CNTNAP2: variants seen among roughly 807,000 people sequenced by gnomAD.
CNTNAP2 encodes contactin-associated protein-like 2.
Under a neutral mutation model 155.2 loss-of-function variants are expected in CNTNAP2, and 98 were observed. That is an observed-to-expected ratio of 0.63 (90% CI 0.54 to 0.75). CNTNAP2 has a LOEUF of 0.75. CNTNAP2 is among the 30% of genes least tolerant of loss of function. CNTNAP2 has a pLI of 0.00. For synonymous variants in CNTNAP2, 651 were observed against 631.2 expected (o/e 1.03, Z -0.47); for missense variants, 1,727 against 1,688.1 (o/e 1.02, Z -0.40).
intron 13 of CNTNAP2, among the ~76,000 whole-genome samples, chr7:147,728,294 G>C (rs748180881): frequency 6.6e-6 from 1 of 152,034 alleles, no homozygotes; most frequent in Non-Finnish European, 1.5e-5. Flanking sequence ...CTCTAATTCT[G>C]TTTCTCAGGT....
At chr7:146,520,882 G>A (rs574237766) in intron 1 of CNTNAP2, among the ~76,000 whole-genome samples, 1 of 151,964 alleles carries the variant, frequency 6.6e-6, no homozygotes, top group East Asian at 1.9e-4. Context: ...GCTGAGCTCC[G>A]CAGTTTTTGT....
chr7:146,532,665 A>G (rs1039573473), intron 1 of CNTNAP2, among the ~76,000 whole-genome samples: 1 of 152,158 alleles, frequency 6.6e-6, no homozygotes, highest in African/African-American at 2.4e-5. Context: ...ACTGCAAACA[A>G]TTTAACTTCC....
chr7:147,459,769 G>T (rs938591174), intron 10 of CNTNAP2, among the ~76,000 whole-genome samples: 1 of 152,170 alleles, frequency 6.6e-6, no homozygotes, highest in Non-Finnish European at 1.5e-5. Context: ...CAATAAAATT[G>T]TGTTGTGGTA....
intron 9 of CNTNAP2, among the ~76,000 whole-genome samples, chr7:147,349,897 C>A (rs1795940636): frequency 6.6e-6 from 1 of 151,912 alleles, no homozygotes; most frequent in African/African-American, 2.4e-5. Context: ...TTGTCCCTGT[C>A]TACAACACCA....
At chr7:147,934,684 T>A (rs1800572183) in intron 14 of CNTNAP2, among the ~76,000 whole-genome samples, 1 of 152,196 alleles carries the variant, frequency 6.6e-6, no homozygotes, top group Non-Finnish European at 1.5e-5. Flanking sequence ...AGCACTGAAA[T>A]CTTGAACTTG....
intron 8 of CNTNAP2, among the ~76,000 whole-genome samples, chr7:147,135,318 A>G (rs1334028907): frequency 1.3e-5 from 2 of 151,814 alleles, no homozygotes; most frequent in African/African-American, 4.8e-5. Context: ...ATATTGAACA[A>G]GTTGCAACAT....
At chr7:146,444,908 C>T (rs752464503) in intron 1 of CNTNAP2, among the ~76,000 whole-genome samples, 3 of 152,072 alleles carry the variant, frequency 2.0e-5, no homozygotes, top group African/African-American at 4.8e-5. Flanking sequence ...CCACCCGCCT[C>T]GGCCTCCCAA....
intron 1 of CNTNAP2, among the ~76,000 whole-genome samples, chr7:146,312,351 C>T (rs1800839004): frequency 6.6e-6 from 1 of 152,164 alleles, no homozygotes; most frequent in Admixed American, 6.6e-5. Context: ...CTCGGAATAA[C>T]TGGTAACACA....
intron 1 of CNTNAP2, among the ~76,000 whole-genome samples, chr7:146,119,372 G>T (rs968653970): frequency 6.6e-6 from 1 of 151,878 alleles, no homozygotes; most frequent in Non-Finnish European, 1.5e-5. Context: ...TTTCTCTGTC[G>T]ACAGACATAT....
chr7:147,581,864 A>G (rs1216360243), intron 12 of CNTNAP2, among the ~76,000 whole-genome samples: 1 of 152,192 alleles, frequency 6.6e-6, no homozygotes, highest in African/African-American at 2.4e-5. Context: ...AATATTTCTA[A>G]TTGATTAAAG....
intron 10 of CNTNAP2, among the ~76,000 whole-genome samples, chr7:147,412,962 G>T (rs1797128679): frequency 6.6e-6 from 1 of 152,188 alleles, no homozygotes; most frequent in Admixed American, 6.5e-5. Context: ...ATACATGTTT[G>T]TGGTTAAGTG....
At chr7:146,861,386 AAAATTTAC>A (rs1229297381) in intron 3 of CNTNAP2, among the ~76,000 whole-genome samples, 2 of 152,172 alleles carry the variant, frequency 1.3e-5, no homozygotes, top group African/African-American at 4.8e-5. Context: ...AAAATTTTTA[AAAATTTAC>A]AATTACAATG....
At chr7:147,438,132 G>A (rs1010992525) in intron 10 of CNTNAP2, among the ~76,000 whole-genome samples, 3 of 151,880 alleles carry the variant, frequency 2.0e-5, no homozygotes, top group African/African-American at 7.3e-5. Flanking sequence ...GTTTTATCTA[G>A]GACTTCCATT....
intron 1 of CNTNAP2, among the ~76,000 whole-genome samples, chr7:146,550,483 G>A (rs1433347952): frequency 3.2e-5 from 4 of 123,608 alleles, no homozygotes; most frequent in Non-Finnish European, 4.7e-5. Context: ...ACTCTCCTCC[G>A]AAAAACATAG....
intron 10 of CNTNAP2, among the ~76,000 whole-genome samples, chr7:147,418,401 C>T (rs976427511): frequency 5.9e-5 from 9 of 152,098 alleles, no homozygotes; most frequent in African/African-American, 1.2e-4. Context: ...ACATAAGCCA[C>T]GGTATCCCTT....
At chr7:147,061,980 T>C (rs1799685819) in intron 4 of CNTNAP2, among the ~76,000 whole-genome samples, 1 of 151,402 alleles carries the variant, frequency 6.6e-6, no homozygotes, top group Non-Finnish European at 1.5e-5. Context: ...TACAAAAATT[T>C]AGCCAGGCGT....
chr7:146,464,121 A>G (rs1437687467), intron 1 of CNTNAP2, among the ~76,000 whole-genome samples: 2 of 151,456 alleles, frequency 1.3e-5, no homozygotes, highest in East Asian at 3.9e-4. Context: ...ACCACAAAAA[A>G]CAGTTCGTTA....
At chr7:147,119,763 GGAAAGAAA>G (rs957698773) in intron 5 of CNTNAP2, among the ~76,000 whole-genome samples, 2 of 151,542 alleles carry the variant, frequency 1.3e-5, no homozygotes, top group African/African-American at 4.8e-5. Context: ...GAAAGGGAGA[GGAAAGAAA>G]GAAAGAAGGA....
intron 8 of CNTNAP2, among the ~76,000 whole-genome samples, chr7:147,273,236 TTTTG>T (rs1177647550): frequency 1.3e-5 from 2 of 152,126 alleles, no homozygotes; most frequent in Non-Finnish European, 2.9e-5. Flanking sequence ...GGGTTCTGGG[TTTTG>T]TTTGTGTTGT....
Sources: allele counts gnomAD v4.1 joint callset (sites outside exome capture counted in the v4.1 genomes callset), GRCh38; gene constraint gnomAD v4.1.1; transcripts MANE v1.5; gene names NCBI Gene and HGNC (gene_info 2026-07-23, HGNC 2026-07-21).